The following GPM6A variants were observed in gnomAD, a reference collection of about 807,000 sequenced individuals.
GPM6A encodes glycoprotein M6A, also known as neuronal membrane glycoprotein M6-a.
In GPM6A, 7 loss-of-function variants were observed where a neutral mutation model predicts 32.1. The observed-to-expected ratio is 0.22, with a 90% CI of 0.12 to 0.41. The LOEUF (loss-of-function observed/expected upper bound fraction) is 0.41, where lower values mean the gene tolerates loss of function less well. Ranked by LOEUF, GPM6A falls within the 10% of genes least tolerant of loss-of-function variation. GPM6A has a pLI of 1.00. For missense variants in GPM6A, 235 were observed against 347.2 expected, an observed-to-expected ratio of 0.68 and a Z score of 2.57; for synonymous variants, 130 against 123.4, an observed-to-expected ratio of 1.05 and a Z score of -0.35.
intron 1 of GPM6A, among the ~76,000 whole-genome samples, chr4:175,963,358 T>C (rs905581516): frequency 7.6e-6 from 1 of 130,944 alleles, no homozygotes; most frequent in African/African-American, 3.3e-5. Context: ...AAATGAAATC[T>C]AGGCAAACCA....
intron 1 of GPM6A, among the ~76,000 whole-genome samples, chr4:175,866,077 C>G (rs1188066642): frequency 6.6e-6 from 1 of 152,100 alleles, no homozygotes; most frequent in East Asian, 1.9e-4. Context: ...AAATGTTATC[C>G]AAGTTATTTA....
chr4:175,659,918 T>C (rs1742304191), intron 3 of GPM6A, among the ~76,000 whole-genome samples: 1 of 152,164 alleles, frequency 6.6e-6, no homozygotes. Context: ...TTATTGGGTT[T>C]TGATACATTA....
chr4:175,707,142 T>A (rs1019638566), intron 1 of GPM6A, among the ~76,000 whole-genome samples: 1 of 152,228 alleles, frequency 6.6e-6, no homozygotes, highest in Non-Finnish European at 1.5e-5. Context: ...GTAAAGCAGC[T>A]CAAGCTGCTG....
intron 1 of GPM6A, among the ~76,000 whole-genome samples, chr4:175,933,093 T>C (rs1256039447): frequency 1.3e-5 from 2 of 151,636 alleles, no homozygotes; most frequent in African/African-American, 2.4e-5. Context: ...GAGTGAAAGA[T>C]TGGAAAAGAT....
At chr4:175,752,686 T>C (rs1316525206) in intron 1 of GPM6A, among the ~76,000 whole-genome samples, 1 of 152,178 alleles carries the variant, frequency 6.6e-6, no homozygotes, top group African/African-American at 2.4e-5. Context: ...TTCTATCTTC[T>C]TCTATTTGCT....
intron 1 of GPM6A, among the ~76,000 whole-genome samples, chr4:175,851,502 AG>A (rs1355612749): frequency 6.6e-6 from 1 of 151,594 alleles, no homozygotes; most frequent in Non-Finnish European, 1.5e-5. Flanking sequence ...AAAAAAAAAA[AG>A]ACTGTAGTCT....
At chr4:175,959,497 C>A (rs1021046056) in intron 1 of GPM6A, among the ~76,000 whole-genome samples, 3 of 152,014 alleles carry the variant, frequency 2.0e-5, no homozygotes, top group Non-Finnish European at 2.9e-5. Context: ...CAGAGGCTTA[C>A]TTAAAATTAC....
chr4:175,949,590 G>GGGC (rs1256081976), intron 1 of GPM6A, among the ~76,000 whole-genome samples: 4 of 152,106 alleles, frequency 2.6e-5, no homozygotes, highest in Admixed American at 2.0e-4. Flanking sequence ...AAATAATCAA[G>GGGC]GGCTGTTAAG....
intron 1 of GPM6A, among the ~76,000 whole-genome samples, chr4:175,762,537 G>A (rs1364933466): frequency 6.6e-6 from 1 of 152,018 alleles, no homozygotes; most frequent in Non-Finnish European, 1.5e-5. Flanking sequence ...AACTCTGACT[G>A]AAATCAATAA....
intron 1 of GPM6A, among the ~76,000 whole-genome samples, chr4:175,724,600 C>T (rs992737882): frequency 7.2e-5 from 11 of 151,780 alleles, no homozygotes; most frequent in Non-Finnish European, 1.6e-4. Flanking sequence ...CACTTACAGA[C>T]GCTGGGGGTG....
intron 1 of GPM6A, among the ~76,000 whole-genome samples, chr4:175,841,601 AAGGGCCAGC>A: frequency 6.6e-6 from 1 of 152,302 alleles, no homozygotes; most frequent in South Asian, 2.1e-4. Flanking sequence ...CAGAGCATTA[AAGGGCCAGC>A]ACACTTCTGC....
chr4:175,815,499 T>C (rs539599680), upstream of GPM6A, among the ~76,000 whole-genome samples: 43 of 152,320 alleles, frequency 2.8e-4, no homozygotes, highest in African/African-American at 1.0e-3. Context: ...AGCAATGATG[T>C]GTCCTTATGG....
At chr4:175,839,067 G>T (rs1348685596) in intron 1 of GPM6A, among the ~76,000 whole-genome samples, 1 of 152,126 alleles carries the variant, frequency 6.6e-6, no homozygotes, top group Non-Finnish European at 1.5e-5. Flanking sequence ...TCTTAATATT[G>T]CTAGTGTCTT....
chr4:175,775,204 C>T (rs554283064), intron 1 of GPM6A, among the ~76,000 whole-genome samples: 17 of 152,094 alleles, frequency 1.1e-4, no homozygotes, highest in African/African-American at 3.6e-4. Flanking sequence ...CAGTTGAGAG[C>T]AATATCTCCG....
intron 1 of GPM6A, among the ~76,000 whole-genome samples, chr4:175,858,044 T>C (rs114781593): frequency 6.6e-6 from 1 of 152,174 alleles, no homozygotes; most frequent in African/African-American, 2.4e-5. Flanking sequence ...CTACAAACTA[T>C]TGCCAAGAGA....
At chr4:175,849,453 G>T (rs148890338) in intron 1 of GPM6A, among the ~76,000 whole-genome samples, 28 of 152,244 alleles carry the variant, frequency 1.8e-4, no homozygotes, top group Non-Finnish European at 3.7e-4. Flanking sequence ...AGCAATGGAG[G>T]ATCATTTGAT....
chr4:175,693,051 A>T (rs866109499), intron 2 of GPM6A, among the ~76,000 whole-genome samples: 3 of 151,964 alleles, frequency 2.0e-5, no homozygotes, highest in Admixed American at 1.3e-4. Context: ...TAGCTCTACC[A>T]TTCTTTATTT....
chr4:175,949,065 C>A (rs1739713490), intron 1 of GPM6A, among the ~76,000 whole-genome samples: 1 of 151,166 alleles, frequency 6.6e-6, no homozygotes, highest in Non-Finnish European at 1.5e-5. Context: ...CCCTTCCATG[C>A]AACTAAGAAA....
At chr4:175,705,373 A>G (rs1295385013) in intron 1 of GPM6A, among the ~76,000 whole-genome samples, 1 of 152,230 alleles carries the variant, frequency 6.6e-6, no homozygotes, top group Non-Finnish European at 1.5e-5. Context: ...AGACCTGATC[A>G]TCCGTCAAAC....
Sources: allele counts gnomAD v4.1 joint callset (sites outside exome capture counted in the v4.1 genomes callset), GRCh38; gene constraint gnomAD v4.1.1; transcripts MANE v1.5; gene names NCBI Gene and HGNC (gene_info 2026-07-23, HGNC 2026-07-21).